The following GALNT16 variants were observed in gnomAD, a reference collection of about 807,000 sequenced individuals.
GALNT16 encodes polypeptide N-acetylgalactosaminyltransferase 16.
In GALNT16, 40 loss-of-function variants were observed where a neutral mutation model predicts 76.1. That is an observed-to-expected ratio of 0.53 (90% confidence interval 0.41 to 0.68). The LOEUF is 0.68. Among genes scored for constraint, GALNT16 ranks in the 30% least tolerant of loss-of-function variants. The pLI is 0.00. For missense variants in GALNT16, 621 were observed against 731.9 expected, an observed-to-expected ratio of 0.85 and a Z score of 1.75; for synonymous variants, 276 against 285.2, an observed-to-expected ratio of 0.97 and a Z score of 0.32.
chr14:69,272,244 T>A (rs2044415249), intron 1 of GALNT16, among the ~76,000 whole-genome samples: 1 of 152,118 alleles, frequency 6.6e-6, no homozygotes, highest in Non-Finnish European at 1.5e-5. Flanking sequence ...GCACTTGTAA[T>A]CCCAGCTACT....
At chr14:69,323,490 G>A (rs941387328) in intron 2 of GALNT16, among the ~76,000 whole-genome samples, 16 of 152,344 alleles carry the variant, frequency 1.1e-4, no homozygotes, top group African/African-American at 3.8e-4. Context: ...TGGGGGATCA[G>A]GACAGAGGAC....
intron 12 of GALNT16, among the ~76,000 whole-genome samples, chr14:69,342,906 C>T (rs1387612539): frequency 2.0e-5 from 3 of 152,178 alleles, no homozygotes; most frequent in Non-Finnish European, 2.9e-5. Flanking sequence ...TCCCCAGCAT[C>T]GTCTCCTCCA....
downstream of GALNT16, among the ~76,000 whole-genome samples, chr14:69,360,107 C>T (rs185717568): frequency 2.6e-4 from 39 of 152,242 alleles, no homozygotes; most frequent in Admixed American, 1.0e-3. Flanking sequence ...AATCCCAGCA[C>T]TTTGGGAGGC....
At chr14:69,367,159 G>A in the GALNT16 span, among the ~76,000 whole-genome samples, 1 of 152,160 alleles carries the variant, frequency 6.6e-6, no homozygotes, top group African/African-American at 2.4e-5. Context: ...TGGGGGCTGA[G>A]TTTTGACAGG....
At chr14:69,279,072 C>T (rs2044508309) in intron 1 of GALNT16, among the ~76,000 whole-genome samples, 1 of 152,064 alleles carries the variant, frequency 6.6e-6, no homozygotes, top group Non-Finnish European at 1.5e-5. Flanking sequence ...GCTGGGATTA[C>T]AGGCGCTCGC....
chr14:69,261,285 GCCC>G lies in GALNT16; in HGVS notation c.177+819_177+821del, dbSNP rs2044267828. 6.6e-6 allele frequency among the ~76,000 whole-genome samples: 1 copy of G among 152,128 alleles called. No individual in the cohort carries two copies. Among genetic ancestry groups the G allele is most frequent in the South Asian group, 2.1e-4 (1 of 4,826 alleles). ...GGCGGGGGCGTGCGGAGCCGCAGCCGCCCTGCAGGGGGCGATCCTGTCGCCGTC... is the reference window on the plus strand; with the variant it reads ...GGCGGGGGCGTGCGGAGCCGCAGCCGTGCAGGGGGCGATCCTGTCGCCGTC... On this transcript the variant is annotated intron_variant, in intron 1 of 14. Coordinates refer to ENST00000448469, the MANE Select transcript of GALNT16 (RefSeq NM_001168368.2). The surrounding 1 kb of genome is among the most constrained non-coding windows in gnomAD (Gnocchi z 6.4).
At chr14:69,337,773 C>T (rs1018311012) in intron 9 of GALNT16, among the ~76,000 whole-genome samples, 4 of 152,190 alleles carry the variant, frequency 2.6e-5, no homozygotes, top group Non-Finnish European at 5.9e-5. Context: ...TTTAGTCCTG[C>T]TTCCTCCACT....
intron 1 of GALNT16, among the ~76,000 whole-genome samples, chr14:69,273,678 G>A (rs2044434721): frequency 6.6e-6 from 1 of 152,150 alleles, no homozygotes; most frequent in Non-Finnish European, 1.5e-5. Flanking sequence ...TCATCTCCTT[G>A]GGCCAGAATC....
chr14:69,348,252 T>G, intron 14 of GALNT16: 1 of 595,926 alleles, frequency 1.7e-6, no homozygotes, highest in Non-Finnish European at 3.0e-6. Context: ...CAGGGACCAC[T>G]TGTCTTGTTA....
chr14:69,347,264 T>C (rs2045578111), intron 13 of GALNT16, 83 bp downstream of exon 13: 2 of 1,345,934 alleles, frequency 1.5e-6, no homozygotes, highest in African/African-American at 1.5e-5. Context: ...CCCCTACTCA[T>C]TCTCCTCCTC....
intron 1 of GALNT16, among the ~76,000 whole-genome samples, chr14:69,305,089 C>T (rs1205614838): frequency 1.3e-5 from 2 of 149,878 alleles, no homozygotes; most frequent in Non-Finnish European, 3.0e-5. Context: ...CCACTGAAAG[C>T]GTGCAGGAGT....
chr14:69,383,751 T>G, the GALNT16 span, among the ~76,000 whole-genome samples: 3 of 152,352 alleles, frequency 2.0e-5, no homozygotes, highest in South Asian at 6.2e-4. Context: ...GGAAGAATTA[T>G]CTAGGTAATA....
intron 1 of GALNT16, among the ~76,000 whole-genome samples, chr14:69,298,930 C>G (rs1027430752): frequency 2.0e-5 from 3 of 152,272 alleles, no homozygotes; most frequent in Non-Finnish European, 4.4e-5. Flanking sequence ...ACACTCAACT[C>G]TGGACATCAC....
At chr14:69,298,259 C>T (rs886933601) in intron 1 of GALNT16, among the ~76,000 whole-genome samples, 3 of 152,230 alleles carry the variant, frequency 2.0e-5, no homozygotes, top group Non-Finnish European at 4.4e-5. Context: ...GAGTGCCCAG[C>T]GCCCTTCACC....
At chr14:69,298,456 G>T (rs2140137383) in intron 1 of GALNT16, 1 of 152,430 alleles carries the variant, frequency 6.6e-6, no homozygotes, top group East Asian at 1.9e-4. Flanking sequence ...CCAACCTGTT[G>T]GTAGGGAATG....
intron 1 of GALNT16, among the ~76,000 whole-genome samples, chr14:69,294,397 A>G (rs967372081): frequency 2.6e-5 from 4 of 152,218 alleles, no homozygotes; most frequent in Non-Finnish European, 4.4e-5. Context: ...GCTGGGTTAC[A>G]GGCATGAGCC....
At chr14:69,350,767 T>A (rs957995641) in intron 14 of GALNT16, 1 of 152,170 alleles carries the variant, frequency 6.6e-6, no homozygotes, top group Non-Finnish European at 1.5e-5. Flanking sequence ...TCACAAGCAC[T>A]CCTGCCTCTA....
At chr14:69,267,570 T>C (rs2044356649) in intron 1 of GALNT16, among the ~76,000 whole-genome samples, 1 of 152,202 alleles carries the variant, frequency 6.6e-6, no homozygotes. Flanking sequence ...GTGACATGCC[T>C]TAATGTGAAT....
In GALNT16 at chr14:69,344,665, G is replaced by A. The variant is rs544921616; in HGVS notation, c.1272-2375G>A. Among the ~76,000 whole-genome samples, 6 of 152,314 alleles carry A rather than the reference G, an allele frequency of 3.9e-5. No homozygotes were observed. In the South Asian group the frequency reaches 8.3e-4, roughly 21 times the overall value. ...TGCTCCCAAGCCTAGGGTTTCTTCC[G>A]TAAGCATCACTGGGCATTGCCACTC... On this transcript the variant is annotated intron_variant, in intron 12 of 14. Coordinates refer to ENST00000448469, the MANE Select transcript of GALNT16 (RefSeq NM_001168368.2).
Sources: gnomAD v4.1 joint callset for allele counts (sites outside exome capture counted in the v4.1 genomes callset) on GRCh38, gnomAD v4.1.1 for gene constraint, Gnocchi (gnomAD v3.1) non-coding constraint, MANE v1.5 for transcripts, NCBI Gene and HGNC (gene_info 2026-07-23, HGNC 2026-07-21) for gene names.